ARHGAP21: variants seen among roughly 807,000 people sequenced by gnomAD.
The protein encoded by ARHGAP21 is rho GTPase-activating protein 21.
A neutral mutation model predicts 164.6 loss-of-function variants in ARHGAP21; 38 were observed. That is an observed-to-expected ratio of 0.23 (90% CI 0.18 to 0.30). ARHGAP21 has a LOEUF of 0.30. Ranked by LOEUF, ARHGAP21 falls within the 10% of genes least tolerant of loss-of-function variation. ARHGAP21 has a pLI of 1.00. For synonymous variants in ARHGAP21, 766 were observed against 857.9 expected (o/e 0.89, Z 1.87); for missense variants, 1,822 against 2,370.7 (o/e 0.77, Z 4.81).
At chr10:24,640,641 G>T (rs1169319490) in intron 4 of ARHGAP21, among the ~76,000 whole-genome samples, 1 of 151,930 alleles carries the variant, frequency 6.6e-6, no homozygotes, top group Non-Finnish European at 1.5e-5. Flanking sequence ...CTATTTAAGG[G>T]AAATAAATAG....
chr10:24,589,241 A>C (rs764285525), intron 25 of ARHGAP21, 30 bp downstream of exon 25: 2 of 1,582,148 alleles, frequency 1.3e-6, no homozygotes, highest in East Asian at 4.5e-5. Flanking sequence ...TTCCCCCCTA[A>C]AATATTTCAA....
At chr10:24,711,869 C>T (rs1211285388) in intron 2 of ARHGAP21, among the ~76,000 whole-genome samples, 1 of 152,044 alleles carries the variant, frequency 6.6e-6, no homozygotes, top group Non-Finnish European at 1.5e-5. Context: ...CACCCAGAAC[C>T]TGTGGGCATG....
Position 24,595,754 on chromosome 10 carries a change from G to C in ARHGAP21, c.3675C>G (p.Ser1225=). ...DLNVISSLLK[S]FFRKLPEPLF... is the part of the protein sequence containing the mutation. Reference sequence around the variant, plus strand: ...GAGGCTCAGGGAGTTTTCTGAAGAAGGATTTTAGTAAACTGCTTATCACAT... The same window carrying C: ...GAGGCTCAGGGAGTTTTCTGAAGAACGATTTTAGTAAACTGCTTATCACAT... Residue 1225 remains serine (S), a synonymous_variant, in exon 19 of 26, where the codon TCC becomes TCG. Transcript: ENST00000396432. 6.2e-7 allele frequency: 1 copy of C among 1,613,512 alleles called. No individual in the cohort carries two copies. The highest frequency in any genetic ancestry group is 8.5e-7 in the Non-Finnish European group (1 of 1,179,762).
intron 11 of ARHGAP21, 79 bp from the exon 12 acceptor site, chr10:24,604,427 C>A: frequency 2.1e-6 from 2 of 938,788 alleles, no homozygotes; most frequent in South Asian, 3.4e-5. Context: ...TTGAATATTA[C>A]AATTACTCTT....
At chr10:24,588,220 CTG>C (rs2076184613) in intron 25 of ARHGAP21, among the ~76,000 whole-genome samples, 3 of 152,138 alleles carry the variant, frequency 2.0e-5, no homozygotes, top group South Asian at 4.1e-4. Flanking sequence ...GAAAATTACA[CTG>C]TAATTATATA....
intron 16 of ARHGAP21, 142 bp downstream of exon 16, chr10:24,597,305 A>G: frequency 9.3e-7 from 1 of 1,076,244 alleles, no homozygotes; most frequent in Non-Finnish European, 1.3e-6. Context: ...AGGCCCAATG[A>G]GCCCAGACCA....
At chr10:24,655,862 C>G (rs1310821766) in intron 4 of ARHGAP21, among the ~76,000 whole-genome samples, 1 of 132,732 alleles carries the variant, frequency 7.5e-6, no homozygotes, top group South Asian at 2.8e-4. Flanking sequence ...GCCTCTGCCC[C>G]GCCACCCCAT....
chr10:24,701,137 G>A (rs1843633034), intron 2 of ARHGAP21, among the ~76,000 whole-genome samples: 1 of 152,028 alleles, frequency 6.6e-6, no homozygotes, highest in African/African-American at 2.4e-5. Context: ...AGGAGCGGAG[G>A]AGGAAGACAA....
chr10:24,636,939 T>C (rs1836449449), intron 4 of ARHGAP21, among the ~76,000 whole-genome samples: 1 of 152,232 alleles, frequency 6.6e-6, no homozygotes, highest in Non-Finnish European at 1.5e-5. Context: ...GATCAGGAAT[T>C]TTCGCAATGC....
chr10:24,643,047 C>T (rs1837234556), intron 4 of ARHGAP21, among the ~76,000 whole-genome samples: 1 of 152,184 alleles, frequency 6.6e-6, no homozygotes, highest in South Asian at 2.1e-4. Flanking sequence ...AATGCTGCCA[C>T]TCAACAGCAG....
rs113767984 is a variant in ARHGAP21 at position 24,648,546 on chromosome 10, G to A, written c.269-13443C>T. Among the ~76,000 whole-genome samples the A allele has an allele frequency of 6.0e-3, 912 of 152,242 alleles. 12 individuals carry two copies. The highest frequency in any genetic ancestry group is 0.02 in the African/African-American group (836 of 41,558). On this transcript the variant is annotated intron_variant, in intron 4 of 25. Transcript: ENST00000396432. ...TATAATCCCAGCACTTTGGGAGGCC[G>A]AGGTGGGTGGATCACCTTGAGGTCA...
At chr10:24,665,745 T>C (rs1840128172) in intron 4 of ARHGAP21, among the ~76,000 whole-genome samples, 2 of 152,202 alleles carry the variant, frequency 1.3e-5, no homozygotes, top group South Asian at 4.1e-4. Context: ...GATGCAAATG[T>C]GGTATTCTTG....
chr10:24,714,238 A>G (rs1036279092), intron 2 of ARHGAP21: 3 of 152,228 alleles, frequency 2.0e-5, no homozygotes, highest in African/African-American at 4.8e-5. Context: ...CATATTGTTA[A>G]CTATAATAAG....
chr10:24,631,317 T>G (rs1314911596), intron 6 of ARHGAP21, among the ~76,000 whole-genome samples: 2 of 152,158 alleles, frequency 1.3e-5, no homozygotes, highest in Non-Finnish European at 2.9e-5. Flanking sequence ...TGAGCTGAGA[T>G]CATGCCATTG....
chr10:24,597,192 C>G (rs140089703), intron 16 of ARHGAP21, among the ~76,000 whole-genome samples: 2 of 151,728 alleles, frequency 1.3e-5, no homozygotes, highest in Non-Finnish European at 1.5e-5. Context: ...CCTGAATCCT[C>G]GGAGTCATTT....
intron 2 of ARHGAP21, among the ~76,000 whole-genome samples, chr10:24,707,316 T>A (rs1048369379): frequency 3.9e-5 from 6 of 152,230 alleles, no homozygotes; most frequent in Non-Finnish European, 7.3e-5. Context: ...AAATAACATC[T>A]GTAACATGCT....
intron 17 of ARHGAP21, chr10:24,596,343 A>C: frequency 2.3e-6 from 1 of 432,804 alleles, no homozygotes; most frequent in Non-Finnish European, 4.0e-6. Context: ...AGAGTCAAGA[A>C]AAGAGGAGGA....
intron 2 of ARHGAP21, among the ~76,000 whole-genome samples, chr10:24,689,900 ATATATACATGTATATAT>A (rs1406583543): frequency 7.3e-5 from 3 of 40,998 alleles, no homozygotes; most frequent in African/African-American, 2.9e-4. Flanking sequence ...ATGTATGTGT[ATATATACATGTATATAT>A]GTATATGTAT....
intron 9 of ARHGAP21, among the ~76,000 whole-genome samples, chr10:24,615,893 G>A (rs1241749239): frequency 6.6e-6 from 1 of 151,958 alleles, no homozygotes; most frequent in Non-Finnish European, 1.5e-5. Context: ...TCCTGCCTCC[G>A]CCTCCCAAGT....
Sources: gnomAD v4.1 joint callset for allele counts (sites outside exome capture counted in the v4.1 genomes callset) on GRCh38, gnomAD v4.1.1 for gene constraint, MANE v1.5 for transcripts, NCBI Gene and HGNC (gene_info 2026-07-23, HGNC 2026-07-21) for gene names.